Variants in DDX56 observed in about 807,000 individuals in gnomAD.
DDX56 encodes DEAD-box helicase 56.
DDX56 carries 45 observed loss-of-function variants against 61.5 expected under a neutral mutation model. The ratio of observed to expected loss-of-function variants is 0.73; its 90% confidence interval spans 0.58 to 0.94. The LOEUF (loss-of-function observed/expected upper bound fraction) is 0.94, where lower values mean the gene tolerates loss of function less well. Among genes scored for constraint, DDX56 ranks in the 40% least tolerant of loss-of-function variants. The probability of loss-of-function intolerance (pLI) is 0.00; values close to 1 mark genes in which losing one functional copy is unlikely to be tolerated. For synonymous variants in DDX56, 273 were observed against 268.3 expected (o/e 1.02, Z -0.17); for missense variants, 708 against 690.7 (o/e 1.02, Z -0.28).
chr7:44,573,696 C>A lies in DDX56; in HGVS notation c.109G>T (p.Ala37Ser), dbSNP rs367836849. 3 of 1,613,616 alleles carry A rather than the reference C, an allele frequency of 1.9e-6. No homozygotes were observed. In the African/African-American group the frequency reaches 4.0e-5, roughly 22 times the overall value. The change falls in exon 2 of 14, where the codon GCC becomes TCC. Residue 37 changes from alanine (A) to serine (S), a missense_variant. Coordinates refer to ENST00000258772, the MANE Select transcript of DDX56 (RefSeq NM_019082.4). The part of the protein sequence containing the change: ...WSRPTLIQEK[A>S]IPLALEGKDL... ...TTCCCTTCTAGGGCCAGTGGGATGG[C>A]CTTCTCCTGGATCAGCGTAGGTCGC...
At position 44,565,991 on chromosome 7, in the gene DDX56, GC is replaced by G. The variant is rs1802519399; in HGVS notation, c.*10del. 1 of 1,604,120 alleles carries G rather than the reference GC, an allele frequency of 6.2e-7. No homozygotes were observed. The highest frequency in any genetic ancestry group is 8.5e-7 in the Non-Finnish European group (1 of 1,172,568). ...CCACAATGTGCTCAGCTCCAGAGAG[GC>G]CCAACAACCTCAGGAGGGCTTGGCT... On this transcript the variant is annotated 3_prime_UTR_variant, in exon 14 of 14. Transcript: ENST00000258772.
intron 2 of DDX56, among the ~76,000 whole-genome samples, chr7:44,573,300 C>G (rs574797575): frequency 2.6e-4 from 40 of 152,338 alleles, no homozygotes; most frequent in Admixed American, 1.2e-3. Flanking sequence ...GCTAAATTCT[C>G]ACAATAATTC....
intron 12 of DDX56, 94 bp from the exon 13 acceptor site, chr7:44,566,618 C>G (rs217381): frequency 0.37 from 371,981 of 996,790 alleles, 73,888 homozygotes; most frequent in Middle Eastern, 0.49. Flanking sequence ...CAATTCTGAC[C>G]CAACTGGCAG....
chr7:44,565,950 G>T lies in DDX56; in HGVS notation c.*52C>A. On this transcript the variant is annotated 3_prime_UTR_variant, in exon 14 of 14. Transcript: ENST00000258772. ...ACCAGAGCCTCGCCTGTCCACGAAG[G>T]GTGTAAGCCTGTGCTCCACAATGTG... 2.2e-6 allele frequency: 3 copies of T among 1,391,708 alleles called. No homozygotes were observed. The highest frequency in any genetic ancestry group is 3.0e-6 in the Non-Finnish European group (3 of 984,910). The allele number at this position is 1,391,708 out of a possible 1,614,324, so 86.2% of individuals were successfully genotyped here.
chr7:44,573,824 C>T lies in DDX56; in HGVS notation c.60+12G>A, dbSNP rs78612841. The T allele has an allele frequency of 6.1e-4, 986 of 1,613,356 alleles. No homozygotes were observed. The highest frequency in any genetic ancestry group is 1.6e-3 in the Middle Eastern group (10 of 6,062). ...AGAGCCCGTAAGCCGGCTCCCCAGC[C>T]CTCGCGTGTACCTGAAGGAGCCGGG... On this transcript the variant is annotated intron_variant, in intron 1 of 13. Transcript: ENST00000258772.
Position 44,573,883 on chromosome 7 carries a change from C to CA in DDX56, c.12dup (p.Glu5Ter). On this transcript the variant is annotated frameshift_variant, in exon 1 of 14. Coordinates refer to ENST00000258772, the MANE Select transcript of DDX56 (RefSeq NM_019082.4). LOFTEE classifies it high-confidence loss of function. ...CCCATGTGTTCGAAGCCCAGTGCTTCAGAGTCCTCCATGGCGCTGCTCAGT... is the reference window on the plus strand; with the variant it reads ...CCCATGTGTTCGAAGCCCAGTGCTTCAAGAGTCCTCCATGGCGCTGCTCAGT... 4 of 1,613,250 alleles carry CA rather than the reference C, an allele frequency of 2.5e-6. No homozygotes were observed. The highest frequency in any genetic ancestry group is 1.1e-5 in the South Asian group (1 of 91,088).
Position 44,572,244 on chromosome 7 carries a change from A to G in DDX56, c.645+103T>C. ...GACCAGGGATGAGACACTAAGTGACAACTGTCCCACCCAAAACACCAAAGA... is the reference window on the plus strand; with the variant it reads ...GACCAGGGATGAGACACTAAGTGACGACTGTCCCACCCAAAACACCAAAGA... On this transcript the variant is annotated intron_variant, in intron 5 of 13. Coordinates refer to ENST00000258772, the MANE Select transcript of DDX56 (RefSeq NM_019082.4). 3 of 948,216 alleles carry G rather than the reference A, an allele frequency of 3.2e-6. No homozygotes were observed. The South Asian group carries it at 4.2e-5, about 13-fold the overall frequency. The allele number at this position is 948,216 out of a possible 1,614,324, so 58.7% of individuals were successfully genotyped here.
rs752236734 is a variant in DDX56, at chr7:44,572,347, C to T, written c.645G>A (p.Pro215=). The T allele has an allele frequency of 6.8e-6, 11 of 1,613,314 alleles. No homozygotes were observed. Among genetic ancestry groups the T allele is most frequent in the Admixed American group, 1.7e-5 (1 of 59,986 alleles). ...CAGACACTTCCATGGTGCCTCTTAC[C>T]GGGTTATGTAATATCAGCTCCTTGA... The part of the protein sequence containing the change: ...QALKELILHN[P]VTLKLQESQL... Residue 215 remains proline, a splice_region_variant and synonymous_variant, in exon 5 of 14, where the codon CCG becomes CCA. Coordinates refer to ENST00000258772, the MANE Select transcript of DDX56 (RefSeq NM_019082.4).
intron 6 of DDX56, 39 bp from the exon 7 acceptor site, chr7:44,570,916 C>G (rs1297760100): frequency 6.3e-7 from 1 of 1,591,076 alleles, no homozygotes; most frequent in Non-Finnish European, 8.6e-7. Context: ...CTCAGCAGAG[C>G]AAGCTCAAGG....
intron 12 of DDX56, 45 bp from the exon 13 acceptor site, chr7:44,566,569 C>T: frequency 7.1e-7 from 1 of 1,418,276 alleles, no homozygotes; most frequent in Non-Finnish European, 9.5e-7. Context: ...CGCTACTGCT[C>T]CCATCCCTGC....
chr7:44,569,039 C>A (rs376757079), intron 10 of DDX56, 47 bp from the exon 11 acceptor site: 4 of 1,611,816 alleles, frequency 2.5e-6, no homozygotes, highest in Non-Finnish European at 3.4e-6. Flanking sequence ...GCCCCAAATC[C>A]TCCCTTCACA....
rs963481677 is a variant in DDX56 at position 44,571,387 on chromosome 7, T to C, written c.890+105A>G. The C allele has an allele frequency of 6.5e-6, 9 of 1,378,710 alleles. No individual in the cohort carries two copies. In the Admixed American group the frequency reaches 1.6e-4, roughly 25 times the overall value. 85.4% of individuals were successfully genotyped at this position (1,378,710 alleles called of 1,614,324 possible). ...GGGAGAAGTCAGTATCAGTCACATCTAGAACCTGGCCCCTACTAAGTGCTT... is the reference window on the plus strand; with the variant it reads ...GGGAGAAGTCAGTATCAGTCACATCCAGAACCTGGCCCCTACTAAGTGCTT... On this transcript the variant is annotated intron_variant, in intron 6 of 13. Transcript: ENST00000258772.
chr7:44,571,582 G>C lies in DDX56; in HGVS notation c.800C>G (p.Thr267Ser). ...IRGKSLLFVN[T>S]LERSYRLRLF... The stretch of plus-strand genomic sequence containing the variant: ...GCGTAGCCGGTAACTCCGTTCTAGA[G>C]TGTTGACAAAGAGCAGAGACTTGCC... Residue 267 changes from threonine (T) to serine (S), a missense_variant, in exon 6 of 14, where the codon ACT (threonine) becomes AGT (serine). Transcript: ENST00000258772. 4 of 1,614,160 alleles carry C rather than the reference G, an allele frequency of 2.5e-6. No homozygotes were observed. Among genetic ancestry groups the C allele is most frequent in the Non-Finnish European group, 3.4e-6 (4 of 1,180,046 alleles).
Position 44,566,060 on chromosome 7 carries a change from G to A in DDX56, c.1586C>T (p.Pro529Leu), listed in dbSNP as rs753895814. The A allele has an allele frequency of 1.1e-5, 18 of 1,612,078 alleles. No homozygotes were observed. Among genetic ancestry groups the A allele is most frequent in the Non-Finnish European group, 8.5e-7 (1 of 1,179,746 alleles). The change falls in exon 14 of 14, where the codon CCA (proline) becomes CTA (leucine). Residue 529 changes from proline to leucine, a missense_variant. Coordinates refer to ENST00000258772, the MANE Select transcript of DDX56 (RefSeq NM_019082.4). Reference protein sequence around the residue: ...RKAKRAKSQNPLRSFKHKGKK... With the variant: ...RKAKRAKSQNLLRSFKHKGKK... ...TCCTTTGTGCTTGAAGCTGCGCAGT[G>A]GGTTCTGGGACTTTGCTCTCTAAGG...
chr7:44,570,641 T>TA, intron 7 of DDX56, 117 bp downstream of exon 7: 1 of 1,377,150 alleles, frequency 7.3e-7, no homozygotes, highest in Non-Finnish European at 9.9e-7. Flanking sequence ...TGGGCTACAC[T>TA]ACCAGCCAGG....
Position 44,569,849 on chromosome 7 carries a change from C to T in DDX56, c.1179G>A (p.Glu393=). Reference sequence around the variant, plus strand: ...CCTCAATCTTGCCTAAGTGGAACTGCTCCGTGGGAAGCACAAAGGTTAAGA... The same window carrying T: ...CCTCAATCTTGCCTAAGTGGAACTGTTCCGTGGGAAGCACAAAGGTTAAGA... ...GIVLTFVLPT[E]QFHLGKIEEL... Residue 393 remains glutamate (E), a synonymous_variant, in exon 9 of 14, where the codon GAG becomes GAA. Transcript: ENST00000258772. 1.2e-6 allele frequency: 2 copies of T among 1,610,612 alleles called. No homozygotes were observed. The highest frequency in any genetic ancestry group is 8.5e-7 in the Non-Finnish European group (1 of 1,178,198).
intron 9 of DDX56, 156 bp downstream of exon 9, chr7:44,569,653 G>A: frequency 4.4e-6 from 3 of 681,804 alleles, no homozygotes; most frequent in Non-Finnish European, 5.0e-6. Context: ...TATCTCTCAA[G>A]GGGGACAGTG....
Position 44,571,574 on chromosome 7 carries a change from G to A in DDX56, c.808C>T (p.Arg270Trp), listed in dbSNP as rs200686546. The change falls in exon 6 of 14, where the codon CGG becomes TGG. Residue 270 changes from arginine to tryptophan, a missense_variant. Arg to Trp is a moderately radical substitution (Grantham distance 101, BLOSUM62 -3). Transcript: ENST00000258772. ...AAGAACAGGCGTAGCCGGTAACTCC[G>A]TTCTAGAGTGTTGACAAAGAGCAGA... ...KSLLFVNTLE[R>W]SYRLRLFLEQ... The A allele has an allele frequency of 3.5e-5, 57 of 1,614,162 alleles. No individual in the cohort carries two copies. The highest frequency in any genetic ancestry group is 2.8e-5 in the Non-Finnish European group (33 of 1,180,042).
chr7:44,569,574 C>T (rs1802621864), intron 9 of DDX56, among the ~76,000 whole-genome samples: 2 of 152,176 alleles, frequency 1.3e-5, no homozygotes, highest in South Asian at 4.1e-4. Flanking sequence ...TCACAGCAGC[C>T]TGTCAGGTCA....
Sources: allele counts gnomAD v4.1 joint callset (sites outside exome capture counted in the v4.1 genomes callset), GRCh38; gene constraint gnomAD v4.1.1; transcripts MANE v1.5; gene names NCBI Gene and HGNC (gene_info 2026-07-23, HGNC 2026-07-21).